The following DBH variants were observed in gnomAD, a reference collection of about 807,000 sequenced individuals.
The protein encoded by DBH is dopamine beta-hydroxylase.
In DBH, 49 loss-of-function variants were observed where a neutral mutation model predicts 64.0. That is an observed-to-expected ratio of 0.77 (90% CI 0.61 to 0.97). The LOEUF (loss-of-function observed/expected upper bound fraction) is 0.97. Ranked by LOEUF, DBH falls within the 50% of genes least tolerant of loss-of-function variation. DBH has a pLI of 0.00. For synonymous variants in DBH, 343 were observed against 347.1 expected, an observed-to-expected ratio of 0.99 and a Z score of 0.13; for missense variants, 828 against 826.6, an observed-to-expected ratio of 1.00 and a Z score of -0.02.
chr9:133,653,102 C>T, intron 9 of DBH, 103 bp downstream of exon 9: 1 of 884,170 alleles, frequency 1.1e-6, no homozygotes, highest in Admixed American at 1.8e-5. Flanking sequence ...AGGGCATGGG[C>T]TCGTCCCCTC....
At chr9:133,637,712 G>A (rs1387649720) in intron 1 of DBH, among the ~76,000 whole-genome samples, 3 of 152,302 alleles carry the variant, frequency 2.0e-5, no homozygotes, top group East Asian at 1.9e-4. Flanking sequence ...GAATTCATGA[G>A]GGCAGATGGT....
chr9:133,636,600 C>A lies in DBH; in HGVS notation c.229C>A (p.Leu77Met), dbSNP rs1397912726. The change falls in exon 1 of 12, where the codon CTG (leucine) becomes ATG (methionine). Residue 77 changes from leucine (L) to methionine (M), a missense_variant. Coordinates refer to ENST00000393056, the MANE Select transcript of DBH (RefSeq NM_000787.4). The part of the protein sequence containing the change: ...YTQEAIHFQL[L>M]VRRLKAGVLF... Reference sequence around the variant, plus strand: ...CCAGGAGGCCATCCATTTCCAGCTCCTGGTGCGGAGGCTCAAGGCTGGCGT... The same window carrying A: ...CCAGGAGGCCATCCATTTCCAGCTCATGGTGCGGAGGCTCAAGGCTGGCGT... The A allele has an allele frequency of 6.2e-7, 1 of 1,613,724 alleles. No individual in the cohort carries two copies. The highest frequency in any genetic ancestry group is 1.3e-5 in the African/African-American group (1 of 74,946).
At chr9:133,653,774 A>G (rs1832279388) in intron 9 of DBH, among the ~76,000 whole-genome samples, 2 of 152,220 alleles carry the variant, frequency 1.3e-5, no homozygotes, top group Non-Finnish European at 2.9e-5. Context: ...GGACACGGGC[A>G]GCCACGTGAT....
chr9:133,655,709 G>C (rs1832308550), intron 9 of DBH: 1 of 152,388 alleles, frequency 6.6e-6, no homozygotes, highest in South Asian at 2.1e-4. Flanking sequence ...GGGGAGCCTG[G>C]AGGGGCAAGG....
At chr9:133,650,500 C>A (rs551592780) in intron 6 of DBH, among the ~76,000 whole-genome samples, 1 of 121,468 alleles carries the variant, frequency 8.2e-6, no homozygotes, top group African/African-American at 3.6e-5. Flanking sequence ...CTTTTCTTTC[C>A]TTTCTTTCTT....
At chr9:133,641,949 G>A (rs1231081916) in intron 2 of DBH, among the ~76,000 whole-genome samples, 1 of 152,236 alleles carries the variant, frequency 6.6e-6, no homozygotes, top group Non-Finnish European at 1.5e-5. Flanking sequence ...TTGAATGGAT[G>A]TTAAGTGAAT....
chr9:133,651,618 C>A lies in DBH; in HGVS notation c.1192-16C>A. 6.2e-7 allele frequency: 1 copy of A among 1,612,714 alleles called. No homozygotes were observed. The highest frequency in any genetic ancestry group is 2.2e-5 in the East Asian group (1 of 44,866). The stretch of plus-strand genomic sequence containing the variant: ...CGGGGGTCAGGCCCTGACACTGCAG[C>A]CCCCCGACCCCACAGGCACTGCCTC... On this transcript the variant is annotated splice_polypyrimidine_tract_variant and intron_variant, in intron 6 of 11. Transcript: ENST00000393056.
chr9:133,657,724 C>T (rs1013534588), intron 11 of DBH, among the ~76,000 whole-genome samples: 4 of 151,978 alleles, frequency 2.6e-5, no homozygotes. Flanking sequence ...ATCTGAGACC[C>T]ACTGGTATTC....
intron 5 of DBH, among the ~76,000 whole-genome samples, chr9:133,647,434 G>A (rs1395884268): frequency 1.3e-5 from 2 of 152,180 alleles, no homozygotes; most frequent in East Asian, 3.9e-4. Flanking sequence ...GAACGTGGAA[G>A]AAGAACATCA....
At position 133,640,033 on chromosome 9, in the gene DBH, G is replaced by A. The variant is rs3025391; in HGVS notation, c.486+41G>A. Reference sequence around the variant, plus strand: ...GAGTACCCAGGAGGGCGTGGGCTGCGTGTATCATGCTGCCATCCTGTGCCA... The same window carrying A: ...GAGTACCCAGGAGGGCGTGGGCTGCATGTATCATGCTGCCATCCTGTGCCA... On this transcript the variant is annotated intron_variant, in intron 2 of 11. Transcript: ENST00000393056. The A allele has an allele frequency of 5.1e-4, 814 of 1,609,226 alleles. 4 individuals are homozygous for A. The highest frequency in any genetic ancestry group is 3.0e-3 in the Middle Eastern group (18 of 6,058).
Position 133,657,235 on chromosome 9 carries a change from C to T in DBH, c.1722+6C>T. ...CCTCAGCCGTCCGCTTCCAGGTGCG[C>T]TGCCATGGGCCCGGGTGGGGCATGC... On this transcript the variant is annotated splice_donor_region_variant and intron_variant, in intron 11 of 11. Coordinates refer to ENST00000393056, the MANE Select transcript of DBH (RefSeq NM_000787.4). 6.2e-7 allele frequency: 1 copy of T among 1,613,680 alleles called. No homozygotes were observed. Among genetic ancestry groups the T allele is most frequent in the Non-Finnish European group, 8.5e-7 (1 of 1,180,026 alleles).
At chr9:133,651,801 G>GC in intron 7 of DBH, 24 bp downstream of exon 7, 1 of 1,496,342 alleles carries the variant, frequency 6.7e-7, no homozygotes, top group Non-Finnish European at 9.0e-7. Context: ...CCCCACCCCT[G>GC]CCCCGCCCCC....
At chr9:133,651,488 C>A in intron 6 of DBH, 146 bp from the exon 7 acceptor site, 4 of 1,033,392 alleles carry the variant, frequency 3.9e-6, no homozygotes, top group Middle Eastern at 3.1e-4. Flanking sequence ...GTGGCTCTAA[C>A]CTGGCCGGGG....
chr9:133,658,498 C>T lies in DBH; in HGVS notation c.*51C>T, dbSNP rs759502984. Reference sequence around the variant, plus strand: ...CCATGCTGTCCCTGTGGGCTCACACCGGCACTGTGCACTCTACTCTGCGAC... The same window carrying T: ...CCATGCTGTCCCTGTGGGCTCACACTGGCACTGTGCACTCTACTCTGCGAC... On this transcript the variant is annotated 3_prime_UTR_variant, in exon 12 of 12. Coordinates refer to ENST00000393056, the MANE Select transcript of DBH (RefSeq NM_000787.4). 18 of 1,546,494 alleles carry T rather than the reference C, an allele frequency of 1.2e-5. No homozygotes were observed. Among genetic ancestry groups the T allele is most frequent in the Middle Eastern group, 2.1e-4 (1 of 4,820 alleles).
chr9:133,639,824 A>AG, intron 1 of DBH, 22 bp from the exon 2 acceptor site: 25 of 1,604,614 alleles, frequency 1.6e-5, no homozygotes, highest in Non-Finnish European at 2.0e-5. Context: ...TCATGCCTGG[A>AG]GCCCAGTGCT....
Position 133,652,900 on chromosome 9 carries a change from CAGGTGGCAGGTGCTGATGGTCACAT to C in DBH, c.1375-39_1375-15del. 2.0e-6 allele frequency: 3 copies of C among 1,532,442 alleles called. No individual in the cohort carries two copies. The highest frequency in any genetic ancestry group is 2.7e-6 in the Non-Finnish European group (3 of 1,106,354). 94.9% of individuals were successfully genotyped at this position (1,532,442 alleles called of 1,614,324 possible). A position where few individuals can be genotyped will look rare whatever the true frequency, so the allele number is the denominator to read the frequency against. On this transcript the variant is annotated splice_polypyrimidine_tract_variant and intron_variant, in intron 8 of 11. Coordinates refer to ENST00000393056, the MANE Select transcript of DBH (RefSeq NM_000787.4). ...CGAGGCCTCCAGCACCTGCCAACGC[CAGGTGGCAGGTGCTGATGGTCACAT>C]TGGCTTTTCCTCAGGGAGATGTGCT...
chr9:133,649,015 T>C (rs1266276058), intron 6 of DBH, among the ~76,000 whole-genome samples: 3 of 152,302 alleles, frequency 2.0e-5, no homozygotes, highest in South Asian at 2.1e-4. Context: ...CTCCCACACA[T>C]AGGACGAGAG....
chr9:133,657,404 G>C (rs1201320769), intron 11 of DBH, 175 bp downstream of exon 11: 3 of 480,592 alleles, frequency 6.2e-6, no homozygotes, highest in East Asian at 8.4e-5. Context: ...CCAGCAGAGA[G>C]AGAGGAGAGA....
intron 6 of DBH, among the ~76,000 whole-genome samples, chr9:133,650,047 C>T (rs1832225454): frequency 1.3e-5 from 2 of 152,208 alleles, no homozygotes; most frequent in Admixed American, 6.5e-5. Flanking sequence ...CCAGAGTGCC[C>T]AGAAGAGCAT....
Sources: allele counts gnomAD v4.1 joint callset (sites outside exome capture counted in the v4.1 genomes callset), GRCh38; gene constraint gnomAD v4.1.1; transcripts MANE v1.5; gene names NCBI Gene and HGNC (gene_info 2026-07-23, HGNC 2026-07-21).